The following CA10 variants were observed in gnomAD, a reference collection of about 807,000 sequenced individuals.
The protein encoded by CA10 is carbonic anhydrase 10 (inactive).
Under a neutral mutation model 44.2 loss-of-function variants are expected in CA10, and 14 were observed. The ratio of observed to expected loss-of-function variants is 0.32; its 90% CI spans 0.21 to 0.50. The LOEUF is 0.50. Ranked by LOEUF, CA10 falls within the 20% of genes least tolerant of loss-of-function variation. CA10 has a pLI of 0.99. For synonymous variants in CA10, 159 were observed against 141.6 expected (o/e 1.12, Z -0.87); for missense variants, 350 against 409.7 (o/e 0.85, Z 1.26).
intron 3 of CA10, among the ~76,000 whole-genome samples, chr17:51,834,942 C>T (rs1351340873): frequency 2.0e-5 from 3 of 152,126 alleles, no homozygotes; most frequent in Non-Finnish European, 2.9e-5. Context: ...CTCTGACAGA[C>T]AACGGTTCCC....
intron 2 of CA10, among the ~76,000 whole-genome samples, chr17:52,027,069 C>G (rs1044861932): frequency 3.3e-5 from 5 of 151,942 alleles, no homozygotes; most frequent in African/African-American, 1.2e-4. Context: ...GTTTGTTTTC[C>G]TGGAACTAGA....
intron 2 of CA10, among the ~76,000 whole-genome samples, chr17:51,993,004 C>T (rs1253489128): frequency 6.6e-6 from 1 of 152,116 alleles, no homozygotes. Flanking sequence ...GGCAATCTTA[C>T]TCGGTTTCCC....
chr17:51,690,447 G>T (rs1314655252), intron 4 of CA10, among the ~76,000 whole-genome samples: 2 of 152,126 alleles, frequency 1.3e-5, no homozygotes, highest in Non-Finnish European at 2.9e-5. Flanking sequence ...AAGATTCCAT[G>T]TGTGATATGG....
chr17:52,026,354 A>C (rs1986301135), intron 2 of CA10, among the ~76,000 whole-genome samples: 1 of 152,144 alleles, frequency 6.6e-6, no homozygotes, highest in African/African-American at 2.4e-5. Flanking sequence ...TTCCTCTCTC[A>C]TACAACTCCC....
intron 1 of CA10, among the ~76,000 whole-genome samples, chr17:52,106,048 C>A (rs983162181): frequency 1.3e-5 from 2 of 152,160 alleles, no homozygotes; most frequent in Non-Finnish European, 2.9e-5. Flanking sequence ...CAAGAAAATA[C>A]CCAGCTTGGC....
intron 1 of CA10, among the ~76,000 whole-genome samples, chr17:52,144,296 T>C (rs371409575): frequency 4.6e-5 from 7 of 152,312 alleles, no homozygotes; most frequent in South Asian, 4.1e-4. Flanking sequence ...AATACCTCAC[T>C]TCTTTATTGC....
At chr17:52,092,608 T>C (rs1413815694) in intron 1 of CA10, among the ~76,000 whole-genome samples, 1 of 152,136 alleles carries the variant, frequency 6.6e-6, no homozygotes, top group African/African-American at 2.4e-5. Context: ...CCCACAGGTA[T>C]AAAGGCAGCA....
At chr17:51,802,274 C>T (rs1906960698) in intron 3 of CA10, among the ~76,000 whole-genome samples, 3 of 152,166 alleles carry the variant, frequency 2.0e-5, no homozygotes, top group African/African-American at 7.2e-5. Flanking sequence ...CACCTGGTTT[C>T]CATCCTGGTT....
At chr17:51,956,931 A>G (rs141991951) in intron 2 of CA10, among the ~76,000 whole-genome samples, 22 of 152,238 alleles carry the variant, frequency 1.4e-4, no homozygotes, top group African/African-American at 5.1e-4. Flanking sequence ...GAGGTAGGAG[A>G]TGCTGTTCAT....
At chr17:51,929,098 C>A (rs1172439492) in intron 3 of CA10, among the ~76,000 whole-genome samples, 1 of 152,032 alleles carries the variant, frequency 6.6e-6, no homozygotes, top group Admixed American at 6.6e-5. Context: ...GATACAAAAT[C>A]ATCTGTTCAA....
intron 1 of CA10, among the ~76,000 whole-genome samples, chr17:52,136,043 A>C (rs1989350354): frequency 6.6e-6 from 1 of 152,236 alleles, no homozygotes; most frequent in African/African-American, 2.4e-5. Context: ...ACCAAAGTTA[A>C]GTCCTGAACT....
chr17:51,862,332 A>G (rs1156375632), intron 3 of CA10, among the ~76,000 whole-genome samples: 3 of 152,198 alleles, frequency 2.0e-5, no homozygotes, highest in African/African-American at 7.2e-5. Context: ...ATTCTTTAGC[A>G]GCCAGTAACA....
At chr17:51,712,745 G>A (rs1383054082) in intron 4 of CA10, among the ~76,000 whole-genome samples, 1 of 152,230 alleles carries the variant, frequency 6.6e-6, no homozygotes, top group Admixed American at 6.5e-5. Context: ...AAGATAGTGA[G>A]TTGCAAATAA....
chr17:51,901,490 T>A (rs1567878389), intron 3 of CA10, among the ~76,000 whole-genome samples: 1 of 152,110 alleles, frequency 6.6e-6, no homozygotes, highest in Non-Finnish European at 1.5e-5. Context: ...CACTCACACA[T>A]GCCAGCAACT....
chr17:51,671,485 A>T (rs550324460), intron 4 of CA10, among the ~76,000 whole-genome samples: 11 of 152,136 alleles, frequency 7.2e-5, no homozygotes, highest in African/African-American at 2.6e-4. Flanking sequence ...GCTCACTGCA[A>T]GCTCCACCTC....
chr17:51,937,665 A>G (rs944155142), intron 2 of CA10, among the ~76,000 whole-genome samples: 6 of 152,178 alleles, frequency 3.9e-5, no homozygotes, highest in Non-Finnish European at 7.4e-5. Context: ...ATAGAAAGAT[A>G]AATCAAAATG....
At chr17:51,832,584 G>T (rs1486138482) in intron 3 of CA10, among the ~76,000 whole-genome samples, 1 of 152,112 alleles carries the variant, frequency 6.6e-6, no homozygotes, top group Non-Finnish European at 1.5e-5. Flanking sequence ...GTTATACCTG[G>T]GCTCTTTGCA....
intron 4 of CA10, among the ~76,000 whole-genome samples, chr17:51,670,532 G>A (rs886079): frequency 0.14 from 20,877 of 151,498 alleles, 1,676 homozygotes; most frequent in South Asian, 0.26. Context: ...CAACTCATGC[G>A]TGAATCTGGG....
intron 2 of CA10, among the ~76,000 whole-genome samples, chr17:51,997,622 G>T (rs1985282240): frequency 6.6e-6 from 1 of 152,046 alleles, no homozygotes; most frequent in Admixed American, 6.6e-5. Flanking sequence ...CTCTCCAGGG[G>T]ATGGAAAACT....
Sources: allele counts gnomAD v4.1 joint callset (sites outside exome capture counted in the v4.1 genomes callset), GRCh38; gene constraint gnomAD v4.1.1; transcripts MANE v1.5; gene names NCBI Gene and HGNC (gene_info 2026-07-23, HGNC 2026-07-21).